The following ANXA8 variants were observed in gnomAD, a reference collection of about 807,000 sequenced individuals.
ANXA8 encodes the protein annexin A8.
A neutral mutation model predicts 26.8 loss-of-function variants in ANXA8; 9 were observed. The ratio of observed to expected loss-of-function variants is 0.34; its 90% CI spans 0.20 to 0.59. The LOEUF (loss-of-function observed/expected upper bound fraction) is 0.59, where lower values mean the gene tolerates loss of function less well. Among genes scored for constraint, ANXA8 ranks in the 20% least tolerant of loss-of-function variants. ANXA8 has a pLI of 0.84. For synonymous variants in ANXA8, 39 were observed against 94.8 expected (o/e 0.41, Z 3.42); for missense variants, 83 against 238.5 (o/e 0.35, Z 4.29).
At chr10:47,718,478 C>CAAA in the ANXA8 span, among the ~76,000 whole-genome samples, 9 of 87,498 alleles carry the variant, frequency 1.0e-4, no homozygotes, top group Non-Finnish European at 6.8e-5. Context: ...CTCAAAACAA[C>CAAA]AAAAAATAAT....
chr10:47,749,257 CA>C, the ANXA8 span, among the ~76,000 whole-genome samples: 1 of 114,986 alleles, frequency 8.7e-6, no homozygotes, highest in Non-Finnish European at 1.8e-5. Flanking sequence ...CAAAAAAACA[CA>C]AAAAAACCTG....
the ANXA8 span, chr10:47,986,921 G>C: frequency 2.0e-6 from 1 of 494,992 alleles, no homozygotes; most frequent in Non-Finnish European, 4.0e-6. Flanking sequence ...GGCAAGGGCC[G>C]CTTTTAGGAG....
the ANXA8 span, among the ~76,000 whole-genome samples, chr10:47,925,331 A>G: frequency 6.7e-6 from 1 of 148,974 alleles, no homozygotes; most frequent in East Asian, 2.0e-4. Flanking sequence ...AGCATCCAAG[A>G]TGGAGTCACT....
chr10:47,976,572 C>A, the ANXA8 span, among the ~76,000 whole-genome samples: 6 of 145,782 alleles, frequency 4.1e-5, no homozygotes, highest in Non-Finnish European at 3.0e-5. Flanking sequence ...CACACACACA[C>A]AATTAACATT....
At chr10:47,953,437 G>A in the ANXA8 span, among the ~76,000 whole-genome samples, 5 of 150,790 alleles carry the variant, frequency 3.3e-5, no homozygotes, top group South Asian at 2.1e-4. Flanking sequence ...TGTAAGAATC[G>A]GGAGCAACTA....
chr10:47,980,348 C>T, the ANXA8 span, among the ~76,000 whole-genome samples: 1 of 151,546 alleles, frequency 6.6e-6, no homozygotes, highest in South Asian at 2.1e-4. Flanking sequence ...ACCCAGACTT[C>T]CACCTTAAGA....
chr10:47,491,689 C>G, the ANXA8 span: 1 of 1,537,918 alleles, frequency 6.5e-7, no homozygotes, highest in Non-Finnish European at 8.8e-7. Flanking sequence ...TGGCAGCAGA[C>G]AGTGGCGAAC....
At chr10:47,985,837 A>G in the ANXA8 span, 6 of 149,762 alleles carry the variant, frequency 4.0e-5, no homozygotes, top group Non-Finnish European at 1.5e-5. Context: ...GGAATCATAC[A>G]ATGTTTATTC....
the ANXA8 span, among the ~76,000 whole-genome samples, chr10:47,529,247 T>C: frequency 8.4e-5 from 12 of 142,264 alleles, no homozygotes; most frequent in East Asian, 2.8e-4. Context: ...GCTAAGAGAA[T>C]GGAAAAAATG....
the ANXA8 span, among the ~76,000 whole-genome samples, chr10:47,648,250 C>G: frequency 6.6e-6 from 1 of 151,810 alleles, no homozygotes; most frequent in Non-Finnish European, 1.5e-5. Context: ...CAGAACGTAG[C>G]AGGATCCCAC....
the ANXA8 span, among the ~76,000 whole-genome samples, chr10:47,741,772 T>G: frequency 1.3e-5 from 2 of 151,500 alleles, no homozygotes; most frequent in Non-Finnish European, 2.9e-5. Flanking sequence ...TTATACATTT[T>G]AAATGGATGA....
chr10:47,733,225 T>TTCTTTCTTTC, the ANXA8 span, among the ~76,000 whole-genome samples: 1 of 58,326 alleles, frequency 1.7e-5, no homozygotes, highest in Admixed American at 2.0e-4. Flanking sequence ...TTCTTTCTCT[T>TTCTTTCTTTC]TCTTTCTCTC....
chr10:47,589,987 G>C, the ANXA8 span, among the ~76,000 whole-genome samples: 1 of 145,316 alleles, frequency 6.9e-6, no homozygotes, highest in Non-Finnish European at 1.5e-5. Flanking sequence ...TGGTGAAGAG[G>C]CTCAGGATCT....
the ANXA8 span, among the ~76,000 whole-genome samples, chr10:47,756,921 G>A: frequency 7.0e-6 from 1 of 143,432 alleles, no homozygotes; most frequent in Admixed American, 7.0e-5. Flanking sequence ...AGTTCAAAGA[G>A]CCAAGACGCT....
chr10:47,589,738 T>C, the ANXA8 span, among the ~76,000 whole-genome samples: 1 of 145,018 alleles, frequency 6.9e-6, no homozygotes, highest in Non-Finnish European at 1.5e-5. Context: ...CCTAACAGGC[T>C]CAGTACCCAA....
the ANXA8 span, chr10:47,507,621 T>C: frequency 6.5e-7 from 1 of 1,529,576 alleles, no homozygotes; most frequent in African/African-American, 1.5e-5. Flanking sequence ...ATAGATGTTA[T>C]CATTTGTTAG....
At chr10:47,490,426 G>A in the ANXA8 span, 279 of 150,548 alleles carry the variant, frequency 1.9e-3, 1 homozygote, top group African/African-American at 6.0e-3. Flanking sequence ...ATGGGAGCAG[G>A]GCGCTATCGC....
the ANXA8 span, among the ~76,000 whole-genome samples, chr10:47,930,764 G>A: frequency 6.6e-6 from 1 of 152,172 alleles, no homozygotes; most frequent in Admixed American, 6.5e-5. Flanking sequence ...ATTTCCAACT[G>A]TTATAGTTCA....
the ANXA8 span, among the ~76,000 whole-genome samples, chr10:47,622,805 A>T: frequency 9.0e-6 from 1 of 111,000 alleles, no homozygotes; most frequent in African/African-American, 3.5e-5. Context: ...TGGCCACAGA[A>T]ATCCTTACTT....
Sources: gnomAD v4.1 joint callset for allele counts (sites outside exome capture counted in the v4.1 genomes callset) on GRCh38, gnomAD v4.1.1 for gene constraint, MANE v1.5 for transcripts, NCBI Gene and HGNC (gene_info 2026-07-23, HGNC 2026-07-21) for gene names.